C2CD2: variants seen among roughly 807,000 people sequenced by gnomAD.
The protein encoded by C2CD2 is C2 calcium dependent domain containing 2.
Under a neutral mutation model 74.3 loss-of-function variants are expected in C2CD2, and 43 were observed. That is an observed-to-expected ratio of 0.58 (90% CI 0.45 to 0.75). The LOEUF (loss-of-function observed/expected upper bound fraction) is 0.75. Ranked by LOEUF, C2CD2 falls within the 30% of genes least tolerant of loss-of-function variation. C2CD2 has a pLI of 0.00. For missense variants in C2CD2, 801 were observed against 916.3 expected (o/e 0.87, Z 1.63); for synonymous variants, 422 against 390.7 (o/e 1.08, Z -0.94).
At chr21:41,942,337 A>C in intron 1 of C2CD2, 92 bp from the exon 2 acceptor site, 1 of 964,464 alleles carries the variant, frequency 1.0e-6, no homozygotes, top group East Asian at 2.7e-5. Context: ...AAAATTAAGA[A>C]AATGTACTAA....
At chr21:41,913,389 C>T (rs2065050976) in intron 6 of C2CD2, among the ~76,000 whole-genome samples, 3 of 152,340 alleles carry the variant, frequency 2.0e-5, no homozygotes, top group Admixed American at 6.5e-5. Context: ...GCAGCCTCCA[C>T]GCATTCGCTA....
chr21:41,927,739 G>A (rs1460741217), intron 2 of C2CD2, among the ~76,000 whole-genome samples: 1 of 152,184 alleles, frequency 6.6e-6, no homozygotes, highest in Non-Finnish European at 1.5e-5. Context: ...AATTTGCTGG[G>A]ATTATAGGTG....
At chr21:41,944,704 C>T (rs60027869) in intron 1 of C2CD2, among the ~76,000 whole-genome samples, 18,178 of 152,060 alleles carry the variant, frequency 0.12, 1,370 homozygotes, top group East Asian at 0.29. Context: ...ATTCAGGTAT[C>T]TCTGCATCTC....
rs1601551905 is a variant in C2CD2 at position 41,899,556 on chromosome 21, C to T, written c.1561-194G>A. ...CTTGGGTTAAAAAAGGTCTCCCTTA[C>T]AGCCAGGGCTCAGGATCCCTAGGCA... On this transcript the variant is annotated intron_variant, in intron 12 of 13. Coordinates refer to ENST00000380486, the MANE Select transcript of C2CD2 (RefSeq NM_015500.2). This position sits in a 1 kb window ranked among gnomAD's most constrained non-coding sequence, Gnocchi z 4.4. 1.3e-5 allele frequency among the ~76,000 whole-genome samples: 2 copies of T among 152,154 alleles called. No homozygotes were observed. Among genetic ancestry groups the T allele is most frequent in the South Asian group, 2.1e-4 (1 of 4,824 alleles).
chr21:41,913,740 C>T (rs1372659883), intron 6 of C2CD2, among the ~76,000 whole-genome samples: 1 of 152,214 alleles, frequency 6.6e-6, no homozygotes, highest in Admixed American at 6.5e-5. Context: ...TGCTCCTGTT[C>T]TTGGCAAAAT....
chr21:41,899,706 T>G lies in C2CD2; in HGVS notation c.1561-344A>C, dbSNP rs2064870081. On this transcript the variant is annotated intron_variant, in intron 12 of 13. Transcript: ENST00000380486. The surrounding 1 kb of genome is among the most constrained non-coding windows in gnomAD (Gnocchi z 4.4). ...GAGAGAGAGAGCCCGTCCTTCAGAGTCCACGACAGCACAAAGGAAATGGCC... is the reference window on the plus strand; with the variant it reads ...GAGAGAGAGAGCCCGTCCTTCAGAGGCCACGACAGCACAAAGGAAATGGCC... 6.6e-6 allele frequency among the ~76,000 whole-genome samples: 1 copy of G among 152,066 alleles called. No homozygotes were observed. The highest frequency in any genetic ancestry group is 1.5e-5 in the Non-Finnish European group (1 of 68,002).
At chr21:41,916,794 G>T (rs1040620849) in intron 5 of C2CD2, among the ~76,000 whole-genome samples, 6 of 152,026 alleles carry the variant, frequency 3.9e-5, no homozygotes, top group African/African-American at 1.4e-4. Context: ...CAAATTTATG[G>T]AAAAGCATGA....
At position 41,886,528 on chromosome 21, in the gene C2CD2, T is replaced by C. The variant is rs2064686021; in HGVS notation, c.*2596A>G. ...ATAAACTCCCTCCCATGTTGGTGTT[T>C]TCTGTAACTTCAGAAAAGGCCATTG... is the stretch of plus-strand genomic sequence containing the variant. On this transcript the variant is annotated 3_prime_UTR_variant, in exon 14 of 14. Coordinates refer to ENST00000380486, the MANE Select transcript of C2CD2 (RefSeq NM_015500.2). The C allele has an allele frequency of 6.6e-6, 1 of 152,224 alleles. No individual in the cohort carries two copies. Among genetic ancestry groups the C allele is most frequent in the African/African-American group, 2.4e-5 (1 of 41,456 alleles). The allele number at this position is 152,224 out of a possible 1,614,324, so 9.4% of individuals were successfully genotyped here. A position where few individuals can be genotyped will look rare whatever the true frequency, so the allele number is the denominator to read the frequency against.
At chr21:41,919,105 A>G in intron 3 of C2CD2, 145 bp from the exon 4 acceptor site, 1 of 656,778 alleles carries the variant, frequency 1.5e-6, no homozygotes, top group Non-Finnish European at 2.7e-6. Context: ...AGTGCATGTG[A>G]GTGTGCGTGT....
chr21:41,898,984 C>A, intron 13 of C2CD2, 69 bp downstream of exon 13: 1 of 1,224,886 alleles, frequency 8.2e-7, no homozygotes, highest in South Asian at 1.3e-5. Flanking sequence ...ATGACTTCAG[C>A]TTGGAAGCCA....
chr21:41,889,259 G>A lies in C2CD2; in HGVS notation c.1956C>T (p.Asp652=). 6.2e-7 allele frequency: 1 copy of A among 1,614,034 alleles called. No homozygotes were observed. Among genetic ancestry groups the A allele is most frequent in the Non-Finnish European group, 8.5e-7 (1 of 1,179,984 alleles). ...CCTCTGGCTGCTCCAGGAACACAAG[G>A]TCATTGTGTGACTGACTCATGCCTG... is the stretch of plus-strand genomic sequence containing the variant. ...KDPGMSQSHN[D]LVFLEQPEGS... The change falls in exon 14 of 14, where the codon GAC becomes GAT. Residue 652 remains aspartate (D), a synonymous_variant. Coordinates refer to ENST00000380486, the MANE Select transcript of C2CD2 (RefSeq NM_015500.2).
Position 41,895,103 on chromosome 21 carries a change from T to C in C2CD2, c.1870+3950A>G, listed in dbSNP as rs2064807319. ...AAGGAAAGGAGATTATCCTGGAGAA[T>C]GTGGGTAGGCCTCATCCAATCAGCT... On this transcript the variant is annotated intron_variant, in intron 13 of 13. Transcript: ENST00000380486. This position sits in a 1 kb window ranked among gnomAD's most constrained non-coding sequence, Gnocchi z 5.0. The C allele has an allele frequency of 2.6e-6, 1 of 390,568 alleles. No homozygotes were observed. Among genetic ancestry groups the C allele is most frequent in the South Asian group, 1.9e-5 (1 of 53,100 alleles). 24.2% of individuals were successfully genotyped at this position (390,568 alleles called of 1,614,324 possible).
intron 2 of C2CD2, among the ~76,000 whole-genome samples, chr21:41,934,920 C>G (rs2065294176): frequency 6.6e-6 from 1 of 151,636 alleles, no homozygotes. Context: ...CGAGTAGAGT[C>G]TGGCTTTGTC....
At chr21:41,916,663 TTACACACACACACACACAC>T (rs2065094785) in intron 5 of C2CD2, among the ~76,000 whole-genome samples, 1 of 73,314 alleles carries the variant, frequency 1.4e-5, no homozygotes, top group African/African-American at 5.8e-5. Context: ...TGTGAGCTGA[TTACACACACACACACACAC>T]ACACACACAC....
In C2CD2 at chr21:41,892,398, C is replaced by CAA. The variant is rs1308283767; in HGVS notation, c.1871-3056_1871-3055dup. On this transcript the variant is annotated intron_variant, in intron 13 of 13. Coordinates refer to ENST00000380486, the MANE Select transcript of C2CD2 (RefSeq NM_015500.2). The surrounding 1 kb of genome is among the most constrained non-coding windows in gnomAD (Gnocchi z 4.6). ...GGGAAAGAATTGGCTCCTGGTGTTG[C>CAA]AAACACCCAGTTTGTGGTACTTTGA... is the stretch of plus-strand genomic sequence containing the variant. 3.3e-5 allele frequency among the ~76,000 whole-genome samples: 5 copies of CAA among 152,120 alleles called. No individual in the cohort carries two copies. Among genetic ancestry groups the CAA allele is most frequent in the African/African-American group, 1.2e-4 (5 of 41,424 alleles).
At chr21:41,894,482 G>C in intron 13 of C2CD2, 1 of 370,324 alleles carries the variant, frequency 2.7e-6, no homozygotes, top group Non-Finnish European at 5.3e-6. Flanking sequence ...GCTCTTCCAT[G>C]CTGCTAAGGA....
chr21:41,899,785 A>G lies in C2CD2; in HGVS notation c.1561-423T>C, dbSNP rs2064871369. 6.6e-6 allele frequency among the ~76,000 whole-genome samples: 1 copy of G among 152,164 alleles called. No homozygotes were observed. Among genetic ancestry groups the G allele is most frequent in the Admixed American group, 6.5e-5 (1 of 15,274 alleles). On this transcript the variant is annotated intron_variant, in intron 12 of 13. Coordinates refer to ENST00000380486, the MANE Select transcript of C2CD2 (RefSeq NM_015500.2). The surrounding 1 kb of genome is among the most constrained non-coding windows in gnomAD (Gnocchi z 4.4). ...TTCCTACACGTTTATGTTACCTGCA[A>G]GTGGAAATTCACCGGCACATCCTCT...
rs1395980154 is a variant in C2CD2 at position 41,907,787 on chromosome 21, G to GA, written c.1019-4dup. Reference sequence around the variant, plus strand: ...AACTGTCGCCGTCGCCAGCAGACCTGAAAAGATAGGAGACAGGCAAGGGGT... The same window carrying GA: ...AACTGTCGCCGTCGCCAGCAGACCTGAAAAAGATAGGAGACAGGCAAGGGGT... On this transcript the variant is annotated splice_polypyrimidine_tract_variant and splice_region_variant and intron_variant, in intron 8 of 13. Transcript: ENST00000380486. 3.1e-6 allele frequency: 5 copies of GA among 1,613,878 alleles called. No homozygotes were observed. The highest frequency in any genetic ancestry group is 4.2e-6 in the Non-Finnish European group (5 of 1,180,008).
At chr21:41,937,212 G>T (rs1248108357) in intron 2 of C2CD2, among the ~76,000 whole-genome samples, 2 of 151,556 alleles carry the variant, frequency 1.3e-5, no homozygotes, top group African/African-American at 4.9e-5. Context: ...CCGCCTCCCA[G>T]GTTCAAGCAA....
Sources: gnomAD v4.1 joint callset for allele counts (sites outside exome capture counted in the v4.1 genomes callset) on GRCh38, gnomAD v4.1.1 for gene constraint, Gnocchi (gnomAD v3.1) non-coding constraint, MANE v1.5 for transcripts, NCBI Gene and HGNC (gene_info 2026-07-23, HGNC 2026-07-21) for gene names.